The following CTNNA2 variants were observed in gnomAD, a reference collection of about 807,000 sequenced individuals.
The protein encoded by CTNNA2 is catenin alpha 2, also known as catenin alpha-2.
Under a neutral mutation model 101.0 loss-of-function variants are expected in CTNNA2, and 42 were observed. The ratio of observed to expected loss-of-function variants is 0.42; its 90% CI spans 0.32 to 0.54. The LOEUF (loss-of-function observed/expected upper bound fraction) is 0.54. Among genes scored for constraint, CTNNA2 ranks in the 20% least tolerant of loss-of-function variants. The pLI is 0.14. For synonymous variants in CTNNA2, 450 were observed against 456.4 expected, an observed-to-expected ratio of 0.99 and a Z score of 0.18; for missense variants, 871 against 1,223.1, an observed-to-expected ratio of 0.71 and a Z score of 4.29.
intron 7 of CTNNA2, among the ~76,000 whole-genome samples, chr2:80,121,487 A>T (rs2148878665): frequency 6.6e-6 from 1 of 152,334 alleles, no homozygotes; most frequent in East Asian, 1.9e-4. Flanking sequence ...AATAAAAAAT[A>T]ACAATTATAT....
At chr2:80,279,272 T>G (rs1384365484) in intron 7 of CTNNA2, among the ~76,000 whole-genome samples, 1 of 152,046 alleles carries the variant, frequency 6.6e-6, no homozygotes. Context: ...CTCCAGGCTC[T>G]GGTGATATAA....
intron 9 of CTNNA2, among the ~76,000 whole-genome samples, chr2:80,532,847 T>A (rs1452328760): frequency 6.6e-6 from 1 of 152,128 alleles, no homozygotes; most frequent in Non-Finnish European, 1.5e-5. Flanking sequence ...CTTTGATTAA[T>A]CAATTAGCAT....
chr2:79,699,553 G>T (rs773324850), intron 2 of CTNNA2, among the ~76,000 whole-genome samples: 1 of 151,714 alleles, frequency 6.6e-6, no homozygotes, highest in Non-Finnish European at 1.5e-5. Flanking sequence ...ATGGAATAAG[G>T]AAGTGGGGTA....
chr2:80,267,530 C>T (rs1024739208), intron 7 of CTNNA2, among the ~76,000 whole-genome samples: 3 of 152,110 alleles, frequency 2.0e-5, no homozygotes, highest in African/African-American at 7.2e-5. Flanking sequence ...CCCCTGCCAT[C>T]ATGGAGCTTC....
chr2:79,875,509 T>C (rs1453263919), intron 6 of CTNNA2, among the ~76,000 whole-genome samples: 1 of 152,174 alleles, frequency 6.6e-6, no homozygotes, highest in East Asian at 1.9e-4. Context: ...TTTGAATATG[T>C]TGATGTGAAT....
intron 5 of CTNNA2, among the ~76,000 whole-genome samples, chr2:79,871,470 G>C (rs1682574256): frequency 6.6e-6 from 1 of 152,132 alleles, no homozygotes; most frequent in Non-Finnish European, 1.5e-5. Context: ...CCAGAGTCTA[G>C]AAGCCTAGGA....
intron 4 of CTNNA2, among the ~76,000 whole-genome samples, chr2:79,442,054 T>C (rs542281927): frequency 2.6e-5 from 4 of 152,332 alleles, no homozygotes; most frequent in Admixed American, 2.6e-4. Flanking sequence ...CCACAGATTT[T>C]CTTTTTTGCA....
At chr2:79,468,725 G>A (rs541901514) in intron 4 of CTNNA2, among the ~76,000 whole-genome samples, 15 of 152,152 alleles carry the variant, frequency 9.9e-5, no homozygotes, top group East Asian at 1.9e-4. Flanking sequence ...ATTAAGAAAC[G>A]CACTCAAAAC....
chr2:80,107,463 G>A (rs1024663815), intron 7 of CTNNA2, among the ~76,000 whole-genome samples: 1 of 152,116 alleles, frequency 6.6e-6, no homozygotes, highest in African/African-American at 2.4e-5. Context: ...GCCAGACAGA[G>A]ATGGCCGGAC....
chr2:80,301,184 A>G (rs1009663844), intron 7 of CTNNA2, among the ~76,000 whole-genome samples: 1 of 152,136 alleles, frequency 6.6e-6, no homozygotes, highest in Non-Finnish European at 1.5e-5. Flanking sequence ...TTTTCTCCTC[A>G]TTCCCCATAG....
intron 1 of CTNNA2, among the ~76,000 whole-genome samples, chr2:79,574,486 G>A (rs1675663542): frequency 6.6e-6 from 1 of 152,084 alleles, no homozygotes; most frequent in Admixed American, 6.6e-5. Flanking sequence ...TTCTGTTCCT[G>A]TGTTTGCTCG....
intron 7 of CTNNA2, among the ~76,000 whole-genome samples, chr2:79,970,889 G>T (rs756152695): frequency 5.3e-5 from 8 of 152,102 alleles, no homozygotes; most frequent in Non-Finnish European, 8.8e-5. Context: ...AAGACTTGAG[G>T]TTGGACTGTG....
chr2:80,188,316 T>C (rs1317706112), intron 7 of CTNNA2, among the ~76,000 whole-genome samples: 2 of 152,238 alleles, frequency 1.3e-5, no homozygotes, highest in African/African-American at 2.4e-5. Context: ...TTTTTTAGTT[T>C]TTCTTTTTCT....
At chr2:80,094,119 T>C (rs1488381835) in intron 7 of CTNNA2, among the ~76,000 whole-genome samples, 1 of 152,208 alleles carries the variant, frequency 6.6e-6, no homozygotes, top group African/African-American at 2.4e-5. Context: ...GGTTTTCTTG[T>C]AGGGTTTTTA....
intron 1 of CTNNA2, among the ~76,000 whole-genome samples, chr2:79,561,841 A>G (rs1203131394): frequency 6.6e-6 from 1 of 151,504 alleles, no homozygotes; most frequent in Non-Finnish European, 1.5e-5. Context: ...ATAGTTTTTT[A>G]TATATTCTGG....
chr2:80,496,240 C>T (rs554059525), intron 9 of CTNNA2, among the ~76,000 whole-genome samples: 29 of 152,230 alleles, frequency 1.9e-4, no homozygotes, highest in South Asian at 6.2e-4. Context: ...GTTACGACAG[C>T]CCCAGGAAAC....
chr2:79,422,278 C>T (rs1393261652), intron 4 of CTNNA2, among the ~76,000 whole-genome samples: 1 of 152,026 alleles, frequency 6.6e-6, no homozygotes, highest in Non-Finnish European at 1.5e-5. Flanking sequence ...GTTACTATCC[C>T]TGCTAGAGCA....
At chr2:79,781,658 C>A (rs1674435852) in intron 3 of CTNNA2, among the ~76,000 whole-genome samples, 2 of 152,114 alleles carry the variant, frequency 1.3e-5, no homozygotes, top group African/African-American at 4.8e-5. Context: ...GTAAAGCTAT[C>A]TGAACTGGAA....
intron 7 of CTNNA2, among the ~76,000 whole-genome samples, chr2:80,062,598 T>C (rs1263086677): frequency 6.6e-6 from 1 of 152,182 alleles, no homozygotes; most frequent in African/African-American, 2.4e-5. Flanking sequence ...CTCTCTATCA[T>C]TTTGAGGATA....
Sources: gnomAD v4.1 joint callset for allele counts (sites outside exome capture counted in the v4.1 genomes callset) on GRCh38, gnomAD v4.1.1 for gene constraint, MANE v1.5 for transcripts, NCBI Gene and HGNC (gene_info 2026-07-23, HGNC 2026-07-21) for gene names.